NECAB1: variants seen among roughly 807,000 people sequenced by gnomAD.
NECAB1 encodes N-terminal EF-hand calcium binding protein 1.
NECAB1 carries 29 observed loss-of-function variants against 57.5 expected under a neutral mutation model. The ratio of observed to expected loss-of-function variants is 0.50; its 90% CI spans 0.38 to 0.69. The LOEUF is 0.69. Among genes scored for constraint, NECAB1 ranks in the 30% least tolerant of loss-of-function variants. The pLI, the probability that NECAB1 is intolerant of heterozygous loss-of-function variation, is 0.00. For missense variants in NECAB1, 372 were observed against 413.8 expected (o/e 0.90, Z 0.88); for synonymous variants, 142 against 147.7 (o/e 0.96, Z 0.28).
rs1191788816 is a variant in NECAB1, at chr8:90,791,797, G to A, written c.-90G>A. On this transcript the variant is annotated 5_prime_UTR_variant, in exon 1 of 13. Transcript: ENST00000417640. ...ACCCTCCCGGATCCAGAGCCCGGCG[G>A]CGGCGAAGCAGCAGCTGCGGCCGCG... 3 of 1,014,444 alleles carry A rather than the reference G, an allele frequency of 3.0e-6. No individual in the cohort carries two copies. The highest frequency in any genetic ancestry group is 4.3e-5 in the Admixed American group (2 of 46,460). 62.8% of individuals were successfully genotyped at this position (1,014,444 alleles called of 1,614,324 possible). A position where few individuals can be genotyped will look rare whatever the true frequency, so the allele number is the denominator to read the frequency against.
At chr8:90,855,579 A>G (rs748503474) in intron 3 of NECAB1, among the ~76,000 whole-genome samples, 4 of 152,222 alleles carry the variant, frequency 2.6e-5, no homozygotes, top group African/African-American at 7.2e-5. Context: ...CCTTCCATCT[A>G]TAATCAGGAA....
intron 5 of NECAB1, among the ~76,000 whole-genome samples, chr8:90,882,795 GT>G (rs1269433467): frequency 2.0e-5 from 3 of 151,910 alleles, no homozygotes; most frequent in African/African-American, 7.2e-5. Context: ...CTGGTTTTTT[GT>G]TTTTTTAGGT....
At chr8:90,852,941 G>A (rs551065564) in intron 3 of NECAB1, among the ~76,000 whole-genome samples, 7 of 152,306 alleles carry the variant, frequency 4.6e-5, no homozygotes, top group South Asian at 2.1e-4. Flanking sequence ...CTTTGCCCTC[G>A]CTGATGGAGG....
At chr8:90,822,563 T>G (rs528127309) in intron 2 of NECAB1, among the ~76,000 whole-genome samples, 7 of 151,990 alleles carry the variant, frequency 4.6e-5, no homozygotes, top group Non-Finnish European at 7.4e-5. Flanking sequence ...ATAAAAGTCT[T>G]TTAGCCCCAG....
intron 12 of NECAB1, among the ~76,000 whole-genome samples, chr8:90,954,775 T>C (rs1810988615): frequency 6.7e-6 from 1 of 149,908 alleles, no homozygotes; most frequent in Admixed American, 6.7e-5. Context: ...ATCATATAGG[T>C]ATAAATATAT....
intron 3 of NECAB1, among the ~76,000 whole-genome samples, chr8:90,853,768 GC>G (rs1251930350): frequency 6.6e-6 from 1 of 152,190 alleles, no homozygotes; most frequent in Non-Finnish European, 1.5e-5. Flanking sequence ...TGTGAAGAAA[GC>G]CAGTCATTGA....
intron 5 of NECAB1, among the ~76,000 whole-genome samples, chr8:90,898,954 A>G (rs1487585446): frequency 6.6e-6 from 1 of 152,206 alleles, no homozygotes; most frequent in Non-Finnish European, 1.5e-5. Context: ...TGCAAGAGAT[A>G]TGTTGGGAGA....
intron 1 of NECAB1, among the ~76,000 whole-genome samples, chr8:90,800,336 A>G (rs1448689016): frequency 1.3e-5 from 2 of 152,124 alleles, no homozygotes; most frequent in African/African-American, 4.8e-5. Context: ...GACTTCCAGT[A>G]CTATGTTGAA....
intron 6 of NECAB1, among the ~76,000 whole-genome samples, chr8:90,917,886 G>GTA (rs777688836): frequency 1.1e-5 from 1 of 91,016 alleles, no homozygotes; most frequent in Non-Finnish European, 2.2e-5. Flanking sequence ...GTGTGTGCGT[G>GTA]TATATATATG....
At chr8:90,933,063 A>C (rs1006976503) in intron 8 of NECAB1, among the ~76,000 whole-genome samples, 1 of 152,238 alleles carries the variant, frequency 6.6e-6, no homozygotes, top group African/African-American at 2.4e-5. Context: ...CCATAATAAA[A>C]AAATTAAAAA....
rs372777127 is a variant in NECAB1 at position 90,791,841 on chromosome 8, C to T, written c.-46C>T. 64 of 1,470,274 alleles carry T rather than the reference C, an allele frequency of 4.4e-5. No homozygotes were observed. The African/African-American group carries it at 6.6e-4, about 15-fold the overall frequency. 91.1% of individuals were successfully genotyped at this position (1,470,274 alleles called of 1,614,324 possible). On this transcript the variant is annotated 5_prime_UTR_variant, in exon 1 of 13. Coordinates refer to ENST00000417640, the MANE Select transcript of NECAB1 (RefSeq NM_022351.5). ...GGCCGCGCCCTTGCCAGAGCCGGTGCGTCCGCCTAGCCCCGCTCCGCCTGA... is the reference window on the plus strand; with the variant it reads ...GGCCGCGCCCTTGCCAGAGCCGGTGTGTCCGCCTAGCCCCGCTCCGCCTGA...
intron 5 of NECAB1, among the ~76,000 whole-genome samples, chr8:90,904,306 A>G (rs922603237): frequency 2.0e-5 from 3 of 152,102 alleles, no homozygotes; most frequent in African/African-American, 7.2e-5. Flanking sequence ...CAGTATTAAA[A>G]GACTTTATAT....
intron 5 of NECAB1, among the ~76,000 whole-genome samples, chr8:90,906,909 A>ATATATATATATG (rs1332610813): frequency 8.1e-6 from 1 of 123,694 alleles, no homozygotes; most frequent in Non-Finnish European, 1.6e-5. Context: ...ATATATATAT[A>ATATATATATATG]TCTTCTCACT....
intron 8 of NECAB1, among the ~76,000 whole-genome samples, chr8:90,932,017 A>G (rs1034387430): frequency 6.6e-6 from 1 of 152,236 alleles, no homozygotes; most frequent in Non-Finnish European, 1.5e-5. Context: ...ATTCTTCATT[A>G]AGTCCTTAGT....
chr8:90,914,920 G>A (rs973279905), intron 5 of NECAB1, among the ~76,000 whole-genome samples: 4 of 152,156 alleles, frequency 2.6e-5, no homozygotes, highest in African/African-American at 9.7e-5. Flanking sequence ...TGTCAAAGAA[G>A]CTGAAACCTA....
intron 3 of NECAB1, among the ~76,000 whole-genome samples, chr8:90,839,916 G>A (rs1173391828): frequency 6.6e-6 from 1 of 152,192 alleles, no homozygotes; most frequent in African/African-American, 2.4e-5. Context: ...CCAAGGCAAA[G>A]AGAATTGGTG....
chr8:90,945,953 A>C (rs1810796894), intron 10 of NECAB1, among the ~76,000 whole-genome samples: 1 of 152,344 alleles, frequency 6.6e-6, no homozygotes. Flanking sequence ...TAAGAAACAA[A>C]TCACAGGTGT....
At chr8:90,853,542 C>CT (rs1435456759) in intron 3 of NECAB1, among the ~76,000 whole-genome samples, 3 of 152,106 alleles carry the variant, frequency 2.0e-5, no homozygotes, top group African/African-American at 7.2e-5. Context: ...TTTATAGCAG[C>CT]TCACTAATAC....
At chr8:90,850,136 A>C (rs558923409) in intron 3 of NECAB1, among the ~76,000 whole-genome samples, 1 of 152,328 alleles carries the variant, frequency 6.6e-6, no homozygotes, top group Non-Finnish European at 1.5e-5. Context: ...GAACAGAGAG[A>C]GAGATAAAAG....
Sources: gnomAD v4.1 joint callset for allele counts (sites outside exome capture counted in the v4.1 genomes callset) on GRCh38, gnomAD v4.1.1 for gene constraint, MANE v1.5 for transcripts, NCBI Gene and HGNC (gene_info 2026-07-23, HGNC 2026-07-21) for gene names.